Variants in PSKH2 observed in about 807,000 individuals in gnomAD.
The protein encoded by PSKH2 is protein serine kinase H2, also known as serine/threonine-protein kinase H2.
PSKH2 carries 16 observed loss-of-function variants against 22.5 expected under a neutral mutation model. The ratio of observed to expected loss-of-function variants is 0.71; its 90% CI spans 0.48 to 1.08. The LOEUF (loss-of-function observed/expected upper bound fraction) is 1.08, where lower values mean the gene tolerates loss of function less well. PSKH2 is among the 50% of genes least tolerant of loss of function. PSKH2 has a pLI of 0.00. For missense variants in PSKH2, 516 were observed against 492.8 expected, an observed-to-expected ratio of 1.05 and a Z score of -0.44; for synonymous variants, 188 against 184.8, an observed-to-expected ratio of 1.02 and a Z score of -0.14.
intron 2 of PSKH2, among the ~76,000 whole-genome samples, chr8:86,062,397 C>T (rs1817792511): frequency 6.6e-6 from 1 of 152,240 alleles, no homozygotes; most frequent in Non-Finnish European, 1.5e-5. Flanking sequence ...GATCAAAATA[C>T]ATAAATTTTT....
intron 2 of PSKH2, among the ~76,000 whole-genome samples, chr8:86,050,030 T>C (rs777925547): frequency 2.0e-5 from 3 of 152,194 alleles, no homozygotes; most frequent in Non-Finnish European, 4.4e-5. Flanking sequence ...GTAACAGCTA[T>C]GACACAGTAC....
intron 2 of PSKH2, among the ~76,000 whole-genome samples, chr8:86,051,967 G>A (rs1010928012): frequency 2.0e-5 from 3 of 152,142 alleles, no homozygotes; most frequent in Non-Finnish European, 4.4e-5. Flanking sequence ...GAAAAGGGCA[G>A]CTACAGAAAG....
chr8:86,068,548 C>T (rs1189916856), intron 1 of PSKH2, among the ~76,000 whole-genome samples: 1 of 152,020 alleles, frequency 6.6e-6, no homozygotes, highest in African/African-American at 2.4e-5. Flanking sequence ...TAATTATGCT[C>T]ACAACAGTCT....
chr8:86,067,975 G>A (rs896939563), intron 1 of PSKH2, among the ~76,000 whole-genome samples: 10 of 152,126 alleles, frequency 6.6e-5, no homozygotes, highest in Non-Finnish European at 1.0e-4. Flanking sequence ...TACACTCTAT[G>A]GGGCTGGGTC....
chr8:86,048,834 T>C, intron 2 of PSKH2, 67 bp from the exon 3 acceptor site: 3 of 1,335,420 alleles, frequency 2.2e-6, no homozygotes, highest in Non-Finnish European at 2.0e-6. Flanking sequence ...ACACAAAGAA[T>C]CCTATTCTTA....
intron 1 of PSKH2, 73 bp downstream of exon 1, chr8:86,069,365 C>T: frequency 1.4e-6 from 2 of 1,401,854 alleles, no homozygotes; most frequent in Non-Finnish European, 1.9e-6. Context: ...TGAAGGGAAC[C>T]TCGAGGCGGT....
chr8:86,053,144 T>G (rs1452885352), intron 2 of PSKH2, among the ~76,000 whole-genome samples: 1 of 152,184 alleles, frequency 6.6e-6, no homozygotes, highest in Non-Finnish European at 1.5e-5. Flanking sequence ...TTTGCCCACA[T>G]CCAGGCCCTT....
At chr8:86,061,558 A>G (rs528235027) in intron 2 of PSKH2, among the ~76,000 whole-genome samples, 86 of 152,224 alleles carry the variant, frequency 5.6e-4, no homozygotes, top group African/African-American at 1.9e-3. Context: ...GGCAACTTCC[A>G]TACCTCCCTT....
At chr8:86,069,334 C>T (rs1194446131) in intron 1 of PSKH2, 104 bp downstream of exon 1, 5 of 1,078,152 alleles carry the variant, frequency 4.6e-6, no homozygotes, top group Non-Finnish European at 6.5e-6. Context: ...CGAAAGAACC[C>T]TGTCCAAAAT....
chr8:86,067,216 T>C (rs1369658954), intron 1 of PSKH2, among the ~76,000 whole-genome samples: 2 of 152,082 alleles, frequency 1.3e-5, no homozygotes, highest in African/African-American at 2.4e-5. Flanking sequence ...AGCCAAGATT[T>C]AGAGTGGTGG....
upstream of PSKH2, among the ~76,000 whole-genome samples, chr8:86,069,865 A>G (rs7814492): frequency 0.025 from 3,803 of 152,314 alleles, 170 homozygotes; most frequent in African/African-American, 0.086. Flanking sequence ...ACCAACAGGC[A>G]GAACCTGCGC....
chr8:86,049,722 GAAA>G (rs1563538625), intron 2 of PSKH2, among the ~76,000 whole-genome samples: 2,305 of 69,126 alleles, frequency 0.033, 158 homozygotes, highest in Admixed American at 0.075. Flanking sequence ...AAGAAAGAAA[GAAA>G]GAAAGAAAGA....
rs750235212 is a variant in PSKH2 at position 86,064,125 on chromosome 8, G to A, written c.692C>T (p.Pro231Leu). 3.7e-5 allele frequency: 59 copies of A among 1,613,982 alleles called. No individual in the cohort carries two copies. The highest frequency in any genetic ancestry group is 4.9e-5 in the Non-Finnish European group (58 of 1,180,038). Residue 231 changes from proline (P) to leucine (L), a missense_variant, in exon 2 of 3, where the codon CCT (proline) becomes CTT (leucine). Coordinates refer to ENST00000276616, the MANE Select transcript of PSKH2 (RefSeq NM_033126.3). Reference sequence around the variant, plus strand: ...ATAAGGCTTCCTTAGCAAAACCTCAGGAGCTATGTACTCTGGGGTCCCACA... The same window carrying A: ...ATAAGGCTTCCTTAGCAAAACCTCAAGAGCTATGTACTCTGGGGTCCCACA... ...TLCGTPEYIA[P>L]EVLLRKPYTS...
intron 2 of PSKH2, among the ~76,000 whole-genome samples, chr8:86,050,815 G>A (rs1191583632): frequency 6.6e-6 from 1 of 152,122 alleles, no homozygotes; most frequent in Non-Finnish European, 1.5e-5. Flanking sequence ...TATTGTCTCT[G>A]CCATTGTGTA....
chr8:86,055,828 A>G (rs1817691517), intron 2 of PSKH2, among the ~76,000 whole-genome samples: 1 of 152,252 alleles, frequency 6.6e-6, no homozygotes, highest in Non-Finnish European at 1.5e-5. Flanking sequence ...AAATGAGCAT[A>G]ATCAAACAGA....
chr8:86,049,741 A>AGAAAC (rs1554583221), intron 2 of PSKH2, among the ~76,000 whole-genome samples: 146 of 34,702 alleles, frequency 4.2e-3, no homozygotes, highest in Admixed American at 5.6e-3. Context: ...AAAGAAAGAA[A>AGAAAC]GAAAGAAACG....
At chr8:86,056,926 T>TTTGTTGTTG (rs1208518864) in intron 2 of PSKH2, among the ~76,000 whole-genome samples, 173 of 146,638 alleles carry the variant, frequency 1.2e-3, no homozygotes, top group African/African-American at 3.7e-3. Context: ...TTTTGGTTTG[T>TTTGTTGTTG]TTGTTGTTGT....
chr8:86,064,059 T>C lies in PSKH2; in HGVS notation c.758A>G (p.Tyr253Cys). ...AGGCAGGAATCCGCTAAGTAAAGCA[T>C]ATGTGATCACACCAAGAGCCCACAT... The part of the protein sequence containing the change: ...VDMWALGVIT[Y>C]ALLSGFLPFD... The change falls in exon 2 of 3, where the codon TAT (tyrosine) becomes TGT (cysteine). Residue 253 changes from tyrosine to cysteine, a missense_variant. By Grantham distance (194) the Tyr-to-Cys change is radical (BLOSUM62 -2). Coordinates refer to ENST00000276616, the MANE Select transcript of PSKH2 (RefSeq NM_033126.3). 1 of 1,614,158 alleles carries C rather than the reference T, an allele frequency of 6.2e-7. No homozygotes were observed.
At chr8:86,051,848 G>A (rs1817635229) in intron 2 of PSKH2, among the ~76,000 whole-genome samples, 1 of 152,162 alleles carries the variant, frequency 6.6e-6, no homozygotes, top group Admixed American at 6.5e-5. Flanking sequence ...CGGAGAAAAA[G>A]TTCTTCAGCC....
Sources: gnomAD v4.1 joint callset for allele counts (sites outside exome capture counted in the v4.1 genomes callset) on GRCh38, gnomAD v4.1.1 for gene constraint, MANE v1.5 for transcripts, NCBI Gene and HGNC (gene_info 2026-07-23, HGNC 2026-07-21) for gene names.